LHFPL6: variants seen among roughly 807,000 people sequenced by gnomAD.
The protein encoded by LHFPL6 is LHFPL tetraspan subfamily member 6, also known as LHFPL tetraspan subfamily member 6 protein.
Under a neutral mutation model 20.6 loss-of-function variants are expected in LHFPL6, and 9 were observed. That is an observed-to-expected ratio of 0.44 (90% CI 0.26 to 0.76). The LOEUF is 0.76. Ranked by LOEUF, LHFPL6 falls within the 30% of genes least tolerant of loss-of-function variation. LHFPL6 has a pLI of 0.20. For missense variants in LHFPL6, 218 were observed against 253.5 expected, an observed-to-expected ratio of 0.86 and a Z score of 0.95; for synonymous variants, 105 against 98.7, an observed-to-expected ratio of 1.06 and a Z score of -0.38.
intron 2 of LHFPL6, among the ~76,000 whole-genome samples, chr13:39,474,482 T>C (rs1873030410): frequency 6.6e-6 from 1 of 152,248 alleles, no homozygotes; most frequent in African/African-American, 2.4e-5. Flanking sequence ...AATTATGATA[T>C]TGTTTTCCCC....
intron 2 of LHFPL6, among the ~76,000 whole-genome samples, chr13:39,551,063 C>A (rs890662481): frequency 3.9e-5 from 6 of 152,094 alleles, no homozygotes; most frequent in African/African-American, 1.5e-4. Context: ...ATTGATCTAT[C>A]CTTTGTCTAT....
chr13:39,409,519 C>T (rs887451296), intron 2 of LHFPL6, among the ~76,000 whole-genome samples: 3 of 152,096 alleles, frequency 2.0e-5, no homozygotes, highest in Admixed American at 1.3e-4. Context: ...CGCATGACCA[C>T]CACTGATAGG....
chr13:39,458,432 C>G (rs939994063), intron 2 of LHFPL6, among the ~76,000 whole-genome samples: 1 of 152,110 alleles, frequency 6.6e-6, no homozygotes, highest in African/African-American at 2.4e-5. Context: ...CGCGGTGGCT[C>G]ATGCCTGTAA....
intron 2 of LHFPL6, among the ~76,000 whole-genome samples, chr13:39,439,398 G>A (rs1385085829): frequency 6.6e-6 from 1 of 152,112 alleles, no homozygotes; most frequent in Admixed American, 6.5e-5. Context: ...GCTAATAGTT[G>A]GAACGGACTA....
chr13:39,352,868 T>G (rs1417943037), intron 3 of LHFPL6, among the ~76,000 whole-genome samples: 1 of 31,018 alleles, frequency 3.2e-5, no homozygotes, highest in Non-Finnish European at 6.5e-5. Flanking sequence ...TATATGTGTA[T>G]ATATATATAT....
At chr13:39,520,164 G>A (rs1336127982) in intron 2 of LHFPL6, among the ~76,000 whole-genome samples, 1 of 152,152 alleles carries the variant, frequency 6.6e-6, no homozygotes, top group Non-Finnish European at 1.5e-5. Context: ...AAGATTTGGT[G>A]ACCTACAGTT....
chr13:39,587,029 C>A (rs1035543029), intron 2 of LHFPL6, among the ~76,000 whole-genome samples: 1 of 152,042 alleles, frequency 6.6e-6, no homozygotes, highest in Non-Finnish European at 1.5e-5. Context: ...TGGTGGCATG[C>A]GCCTGTAATC....
chr13:39,436,022 T>A (rs1871948051), intron 2 of LHFPL6, among the ~76,000 whole-genome samples: 2 of 151,462 alleles, frequency 1.3e-5, no homozygotes, highest in African/African-American at 4.8e-5. Flanking sequence ...ATATTATTTT[T>A]AAATTAATAA....
intron 2 of LHFPL6, among the ~76,000 whole-genome samples, chr13:39,576,281 G>T (rs1872112962): frequency 6.6e-6 from 1 of 152,194 alleles, no homozygotes; most frequent in Admixed American, 6.5e-5. Context: ...CTGGGGCCAT[G>T]AATGAGAATA....
intron 2 of LHFPL6, among the ~76,000 whole-genome samples, chr13:39,486,202 G>A (rs774628672): frequency 6.6e-6 from 1 of 152,164 alleles, no homozygotes; most frequent in Non-Finnish European, 1.5e-5. Flanking sequence ...TTTCTAGTGG[G>A]ACAAGACCTG....
intron 2 of LHFPL6, among the ~76,000 whole-genome samples, chr13:39,418,444 C>T (rs1468702832): frequency 1.5e-5 from 2 of 136,824 alleles, no homozygotes; most frequent in African/African-American, 5.7e-5. Context: ...AGGAATTGGC[C>T]ATGTCTAACT....
Position 39,491,504 on chromosome 13 carries a change from A to T in LHFPL6, c.385+109328T>A, listed in dbSNP as rs574425381. ...TTTGGAAGCCAAGAGATAAACCAAC[A>T]GTTTTTAATTAGAAAGCCATAAATT... On this transcript the variant is annotated intron_variant, in intron 2 of 3. Coordinates refer to ENST00000379589, the MANE Select transcript of LHFPL6 (RefSeq NM_005780.3). Among the ~76,000 whole-genome samples, 5 of 152,290 alleles carry T rather than the reference A, an allele frequency of 3.3e-5. No individual in the cohort carries two copies. In the East Asian group the frequency reaches 9.7e-4, roughly 29 times the overall value.
intron 2 of LHFPL6, among the ~76,000 whole-genome samples, chr13:39,561,318 G>A (rs530957779): frequency 1.3e-5 from 2 of 152,182 alleles, no homozygotes; most frequent in South Asian, 4.1e-4. Flanking sequence ...CAGCATTGAT[G>A]TCTCCAGGGA....
chr13:39,558,745 C>T (rs887944486), intron 2 of LHFPL6, among the ~76,000 whole-genome samples: 21 of 152,184 alleles, frequency 1.4e-4, no homozygotes, highest in African/African-American at 5.1e-4. Flanking sequence ...AAGCCCTTGA[C>T]CTGCCTACTC....
At chr13:39,559,317 T>C (rs1593362845) in intron 2 of LHFPL6, among the ~76,000 whole-genome samples, 1 of 152,018 alleles carries the variant, frequency 6.6e-6, no homozygotes, top group African/African-American at 2.4e-5. Context: ...AGGATGGGAG[T>C]TGATCAGAGG....
chr13:39,589,689 G>A (rs558091322), intron 2 of LHFPL6, among the ~76,000 whole-genome samples: 1 of 152,128 alleles, frequency 6.6e-6, no homozygotes, highest in South Asian at 2.1e-4. Flanking sequence ...ATGTCCTTTG[G>A]AATTAATATT....
chr13:39,451,904 G>A (rs1014587067), intron 2 of LHFPL6, among the ~76,000 whole-genome samples: 1 of 152,146 alleles, frequency 6.6e-6, no homozygotes, highest in Non-Finnish European at 1.5e-5. Flanking sequence ...ATAGAAAGCA[G>A]AAGTGTAAAA....
intron 2 of LHFPL6, among the ~76,000 whole-genome samples, chr13:39,382,971 C>T (rs777960049): frequency 2.6e-5 from 4 of 152,140 alleles, no homozygotes; most frequent in Non-Finnish European, 4.4e-5. Flanking sequence ...ACCGTATGAT[C>T]AGGCTAATTG....
chr13:39,460,539 A>G (rs12584059), intron 2 of LHFPL6, among the ~76,000 whole-genome samples: 14,291 of 152,276 alleles, frequency 0.094, 1,271 homozygotes, highest in East Asian at 0.51. Flanking sequence ...TTAAAGAGAA[A>G]TAGTGGGTTC....
Sources: gnomAD v4.1 joint callset for allele counts (sites outside exome capture counted in the v4.1 genomes callset) on GRCh38, gnomAD v4.1.1 for gene constraint, MANE v1.5 for transcripts, NCBI Gene and HGNC (gene_info 2026-07-23, HGNC 2026-07-21) for gene names.